Variants in RBFOX1 observed in about 807,000 individuals in gnomAD.
RBFOX1 encodes RNA binding protein fox-1 homolog 1.
A neutral mutation model predicts 57.7 loss-of-function variants in RBFOX1; 8 were observed. That is an observed-to-expected ratio of 0.14 (90% CI 0.08 to 0.25). RBFOX1 has a LOEUF of 0.25. Ranked by LOEUF, RBFOX1 falls within the 10% of genes least tolerant of loss-of-function variation. The pLI is 1.00. For missense variants in RBFOX1, 611 were observed against 548.5 expected (o/e 1.11, Z -1.14); for synonymous variants, 326 against 222.4 (o/e 1.47, Z -4.15).
At chr16:5,706,916 G>A (rs912750112) in intron 3 of RBFOX1, among the ~76,000 whole-genome samples, 1 of 152,128 alleles carries the variant, frequency 6.6e-6, no homozygotes. Context: ...AGCCCACTCT[G>A]TAGGTGGCCA....
chr16:5,789,084 T>C (rs748641342), intron 3 of RBFOX1, among the ~76,000 whole-genome samples: 2 of 152,072 alleles, frequency 1.3e-5, no homozygotes, highest in Admixed American at 6.6e-5. Context: ...CCCTTCCCTC[T>C]CTCTCCCTCT....
At chr16:7,673,836 G>T (rs1178981025) in intron 13 of RBFOX1, among the ~76,000 whole-genome samples, 1 of 152,154 alleles carries the variant, frequency 6.6e-6, no homozygotes, top group East Asian at 1.9e-4. Context: ...TCGTTCCTTT[G>T]GTTTGGTGGT....
At chr16:7,442,437 G>C (rs1357630431) in intron 4 of RBFOX1, among the ~76,000 whole-genome samples, 1 of 152,142 alleles carries the variant, frequency 6.6e-6, no homozygotes, top group Non-Finnish European at 1.5e-5. Flanking sequence ...AGACCTGCAT[G>C]CTGTACAAAA....
chr16:6,181,061 G>T (rs1459431917), intron 1 of RBFOX1, among the ~76,000 whole-genome samples: 1 of 152,140 alleles, frequency 6.6e-6, no homozygotes, highest in Non-Finnish European at 1.5e-5. Flanking sequence ...CAAGTATTTA[G>T]ACTCTACTGG....
In RBFOX1 at chr16:6,350,558, G is replaced by A. The variant is rs150317587; in HGVS notation, c.-64+33501G>A. Among the ~76,000 whole-genome samples, 4 of 147,820 alleles carry A rather than the reference G, an allele frequency of 2.7e-5. No individual in the cohort carries two copies. The East Asian group carries it at 8.2e-4, about 30-fold the overall frequency. ...AGTACTTCATTTAACTAGTTTTAGG[G>A]AATGTTTATTTAACTAAGGTGATGC... On this transcript the variant is annotated intron_variant, in intron 2 of 15. Coordinates refer to ENST00000550418, the MANE Select transcript of RBFOX1 (RefSeq NM_018723.4).
intron 2 of RBFOX1, among the ~76,000 whole-genome samples, chr16:6,449,232 A>T (rs2153041260): frequency 6.6e-6 from 1 of 152,330 alleles, no homozygotes; most frequent in East Asian, 1.9e-4. Flanking sequence ...CTGTATTAAA[A>T]TCTCAGAATT....
chr16:6,985,020 T>C (rs930680014), intron 3 of RBFOX1, among the ~76,000 whole-genome samples: 3 of 152,088 alleles, frequency 2.0e-5, no homozygotes, highest in African/African-American at 4.8e-5. Flanking sequence ...GGGGGAAATA[T>C]CCTGGCTTTG....
intron 3 of RBFOX1, among the ~76,000 whole-genome samples, chr16:6,750,141 T>C (rs2074636289): frequency 6.6e-6 from 1 of 152,154 alleles, no homozygotes; most frequent in African/African-American, 2.4e-5. Flanking sequence ...GTATTTGCAT[T>C]GAGTGGCATG....
chr16:5,857,638 G>T (rs2057105262), intron 3 of RBFOX1, among the ~76,000 whole-genome samples: 1 of 152,120 alleles, frequency 6.6e-6, no homozygotes, highest in African/African-American at 2.4e-5. Flanking sequence ...CAGCTAGGTT[G>T]TTACCTATTT....
intron 4 of RBFOX1, among the ~76,000 whole-genome samples, chr16:7,478,361 GA>G (rs1262273260): frequency 1.3e-5 from 2 of 152,136 alleles, no homozygotes; most frequent in Non-Finnish European, 2.9e-5. Flanking sequence ...TGGCCCAAGG[GA>G]AAAAAATACA....
intron 4 of RBFOX1, among the ~76,000 whole-genome samples, chr16:7,103,902 T>C (rs1190864527): frequency 1.3e-5 from 2 of 152,166 alleles, no homozygotes; most frequent in Non-Finnish European, 2.9e-5. Context: ...ATGTTTCTGT[T>C]GTTTAGCTGA....
At chr16:6,800,148 C>G (rs2085043006) in intron 3 of RBFOX1, among the ~76,000 whole-genome samples, 1 of 151,740 alleles carries the variant, frequency 6.6e-6, no homozygotes. Flanking sequence ...TGGTTTGGGC[C>G]AATTTCTTTG....
intron 2 of RBFOX1, among the ~76,000 whole-genome samples, chr16:6,434,400 G>T (rs893364224): frequency 2.0e-5 from 3 of 151,990 alleles, no homozygotes; most frequent in African/African-American, 4.8e-5. Flanking sequence ...GGCCATGAAG[G>T]CTCCTCAGCC....
intron 11 of RBFOX1, among the ~76,000 whole-genome samples, chr16:7,652,323 C>T (rs2065239998): frequency 6.6e-6 from 1 of 152,288 alleles, no homozygotes; most frequent in Non-Finnish European, 1.5e-5. Flanking sequence ...CTGGGGTAAT[C>T]ATCAGGCTTA....
intron 3 of RBFOX1, among the ~76,000 whole-genome samples, chr16:5,614,602 A>G (rs2047950883): frequency 6.6e-6 from 1 of 152,180 alleles, no homozygotes; most frequent in Non-Finnish European, 1.5e-5. Flanking sequence ...TATATTTATT[A>G]TAGACGATAC....
chr16:7,368,720 C>T (rs1015648368), intron 4 of RBFOX1, among the ~76,000 whole-genome samples: 5 of 149,904 alleles, frequency 3.3e-5, no homozygotes, highest in Admixed American at 2.7e-4. Context: ...ACAGAGCTTG[C>T]AGTGAGCTGA....
At chr16:6,552,074 T>C (rs2097001026) in intron 2 of RBFOX1, among the ~76,000 whole-genome samples, 2 of 152,240 alleles carry the variant, frequency 1.3e-5, no homozygotes, top group African/African-American at 4.8e-5. Context: ...TAACAGGTTA[T>C]GCTTTTAGAA....
chr16:7,308,663 A>T (rs1037111039), intron 4 of RBFOX1, among the ~76,000 whole-genome samples: 2 of 152,220 alleles, frequency 1.3e-5, no homozygotes, highest in African/African-American at 4.8e-5. Flanking sequence ...GGACATCTTC[A>T]GATCGAAAGC....
chr16:5,618,682 T>G lies in RBFOX1; in HGVS notation c.318+19721T>G, dbSNP rs552369645. ...AAGTTATACCTCAAAAAAACTGTTT[T>G]AAAAGAAAGAAATGCCCATGAACAC... On this transcript the variant is annotated intron_variant, in intron 3 of 19. Transcript: ENST00000641259. 3.3e-5 allele frequency among the ~76,000 whole-genome samples: 5 copies of G among 152,336 alleles called. No homozygotes were observed. The East Asian group carries it at 9.7e-4, about 29-fold the overall frequency.
Sources: gnomAD v4.1 joint callset for allele counts (sites outside exome capture counted in the v4.1 genomes callset) on GRCh38, gnomAD v4.1.1 for gene constraint, MANE v1.5 for transcripts, NCBI Gene and HGNC (gene_info 2026-07-23, HGNC 2026-07-21) for gene names.